Variants in RBKS observed in about 807,000 individuals in gnomAD.
RBKS encodes ribokinase.
In RBKS, 33 loss-of-function variants were observed where a neutral mutation model predicts 33.9. The observed-to-expected ratio is 0.97, with a 90% CI of 0.74 to 1.30. RBKS has a LOEUF of 1.30. Among genes scored for constraint, RBKS ranks in the 50% most tolerant of loss-of-function variants. The pLI is 0.00. For missense variants in RBKS, 361 were observed against 392.6 expected, an observed-to-expected ratio of 0.92 and a Z score of 0.68; for synonymous variants, 125 against 143.0, an observed-to-expected ratio of 0.87 and a Z score of 0.90.
intron 7 of RBKS, among the ~76,000 whole-genome samples, chr2:27,813,218 A>G (rs1678025997): frequency 1.3e-5 from 2 of 152,170 alleles, no homozygotes; most frequent in African/African-American, 4.8e-5. Flanking sequence ...CAGATCAAGT[A>G]CCACTGAAGA....
chr2:27,840,422 G>A (rs150525518), intron 5 of RBKS, among the ~76,000 whole-genome samples: 145 of 149,762 alleles, frequency 9.7e-4, no homozygotes, highest in African/African-American at 3.4e-3. Context: ...AATCTAAGCT[G>A]CATCTGGCCG....
intron 2 of RBKS, among the ~76,000 whole-genome samples, chr2:27,848,944 T>C (rs1358648133): frequency 6.6e-6 from 1 of 152,156 alleles, no homozygotes; most frequent in South Asian, 2.1e-4. Context: ...CCTGGGACTT[T>C]TACTGAAACT....
Position 27,843,058 on chromosome 2 carries a change from T to C in RBKS, c.514+9A>G, listed in dbSNP as rs1558547906. 1 of 1,557,882 alleles carries C rather than the reference T, an allele frequency of 6.4e-7. No individual in the cohort carries two copies. The highest frequency in any genetic ancestry group is 8.7e-7 in the Non-Finnish European group (1 of 1,151,952). On this transcript the variant is annotated intron_variant, in intron 5 of 7. Coordinates refer to ENST00000302188, the MANE Select transcript of RBKS (RefSeq NM_022128.3). ...TTTTATAGAAAGAATGACAAATATG[T>C]ATAATTACCTCCACTCCTGCGGGCC...
intron 2 of RBKS, among the ~76,000 whole-genome samples, chr2:27,849,559 CAAAA>C (rs70953894): frequency 9.4e-4 from 27 of 28,594 alleles, no homozygotes; most frequent in African/African-American, 2.0e-3. Context: ...GACTCTGTCT[CAAAA>C]AAAAAAAAAA....
chr2:27,843,274 C>T, intron 4 of RBKS, 43 bp from the exon 5 acceptor site: 2 of 1,455,262 alleles, frequency 1.4e-6, no homozygotes, highest in Non-Finnish European at 1.9e-6. Flanking sequence ...TAAACAAAGC[C>T]AAGCAAATGA....
intron 1 of RBKS, among the ~76,000 whole-genome samples, chr2:27,883,416 G>A (rs1664460433): frequency 6.6e-6 from 1 of 152,000 alleles, no homozygotes; most frequent in Admixed American, 6.6e-5. Context: ...AGCCAGGATG[G>A]TCTCGATCTC....
chr2:27,791,906 G>T (rs1423722663), intron 7 of RBKS, among the ~76,000 whole-genome samples: 1 of 151,966 alleles, frequency 6.6e-6, no homozygotes, highest in Non-Finnish European at 1.5e-5. Context: ...TTAAATGACT[G>T]TATACATTCA....
chr2:27,883,179 TG>T (rs1203557180), intron 1 of RBKS, among the ~76,000 whole-genome samples: 1 of 151,834 alleles, frequency 6.6e-6, no homozygotes, highest in East Asian at 1.9e-4. Flanking sequence ...GCAGTAACCA[TG>T]TTTTCCTAAC....
chr2:27,819,444 C>T (rs142209286), intron 7 of RBKS, among the ~76,000 whole-genome samples: 9 of 152,296 alleles, frequency 5.9e-5, no homozygotes, highest in East Asian at 5.8e-4. Flanking sequence ...TTGGTGGGAA[C>T]GCAATTCAGT....
In RBKS at chr2:27,827,558, A is replaced by G; in HGVS notation, c.795+9T>C. ...AGGCTAAACATGATTCTTAAATTTT[A>G]AAACTTACCGTGGTATCCACAGCCT... is the stretch of plus-strand genomic sequence containing the variant. On this transcript the variant is annotated intron_variant, in intron 7 of 7. Transcript: ENST00000302188. The G allele has an allele frequency of 1.3e-6, 2 of 1,542,916 alleles. No homozygotes were observed. The highest frequency in any genetic ancestry group is 1.7e-6 in the Non-Finnish European group (2 of 1,146,610).
At position 27,843,206 on chromosome 2, in the gene RBKS, A is replaced by G; in HGVS notation, c.375T>C (p.Ala125=). 6.2e-7 allele frequency: 1 copy of G among 1,612,084 alleles called. No individual in the cohort carries two copies. Among genetic ancestry groups the G allele is most frequent in the Non-Finnish European group, 8.5e-7 (1 of 1,179,086 alleles). ...NEGQNIIVIV[A]GANLLLNTED... ...CCGTATTCAAAAGTAAATTTGCTCC[A>G]GCCACTATGACAATGATATTCTGGC... is the stretch of plus-strand genomic sequence containing the variant. The change falls in exon 5 of 8, where the codon GCT becomes GCC. Residue 125 remains alanine (A), a synonymous_variant. Transcript: ENST00000302188.
At position 27,845,946 on chromosome 2, in the gene RBKS, T is replaced by C. The variant is rs1277853594; in HGVS notation, c.349+1096A>G. Among the ~76,000 whole-genome samples, 2 of 152,154 alleles carry C rather than the reference T, an allele frequency of 1.3e-5. 1 individual carries two copies. Among genetic ancestry groups the C allele is most frequent in the South Asian group, 4.1e-4 (2 of 4,828 alleles). On this transcript the variant is annotated intron_variant, in intron 4 of 7. Transcript: ENST00000302188. ...AACAGTTGGCAGAAATTATGAAAAC[T>C]TGACTTGAAGGTTGTTACCATTTTT...
chr2:27,824,341 C>T (rs1177516786), intron 7 of RBKS, among the ~76,000 whole-genome samples: 4 of 152,216 alleles, frequency 2.6e-5, no homozygotes, highest in East Asian at 1.9e-4. Flanking sequence ...ATTTCCATTA[C>T]TCTAAAGTAA....
intron 2 of RBKS, among the ~76,000 whole-genome samples, chr2:27,850,562 G>A (rs1663725980): frequency 6.6e-6 from 1 of 152,148 alleles, no homozygotes; most frequent in Middle Eastern, 3.2e-3. Context: ...TCATACAGTT[G>A]TAATTACACA....
intron 7 of RBKS, among the ~76,000 whole-genome samples, chr2:27,826,999 G>GA (rs11429808): frequency 0.33 from 50,420 of 151,790 alleles, 10,112 homozygotes; most frequent in East Asian, 0.63. Context: ...AAGATTAAAT[G>GA]AAAAAAAAGA....
intron 7 of RBKS, among the ~76,000 whole-genome samples, chr2:27,787,248 G>A (rs1182133420): frequency 3.3e-5 from 5 of 152,096 alleles, no homozygotes; most frequent in East Asian, 1.9e-4. Flanking sequence ...CCTGGGCAAC[G>A]TCGTGAAGCC....
Position 27,836,998 on chromosome 2 carries a change from C to T in RBKS, c.515-4221G>A, listed in dbSNP as rs568318996. On this transcript the variant is annotated intron_variant, in intron 5 of 7. Coordinates refer to ENST00000302188, the MANE Select transcript of RBKS (RefSeq NM_022128.3). Reference sequence around the variant, plus strand: ...TATTATTAAAAAGTCAAGGGCCAGCCGAGGTGGCTCACACCTGTAATCCCA... The same window carrying T: ...TATTATTAAAAAGTCAAGGGCCAGCTGAGGTGGCTCACACCTGTAATCCCA... Among the ~76,000 whole-genome samples, 43 of 150,864 alleles carry T rather than the reference C, an allele frequency of 2.9e-4. 1 individual carries two copies. The highest frequency in any genetic ancestry group is 8.4e-4 in the African/African-American group (34 of 40,248).
At chr2:27,803,093 G>A (rs933336070) in intron 7 of RBKS, among the ~76,000 whole-genome samples, 2 of 152,272 alleles carry the variant, frequency 1.3e-5, no homozygotes, top group African/African-American at 4.8e-5. Flanking sequence ...GCCTCCCAGA[G>A]TGTTGGCATT....
chr2:27,873,827 C>T (rs181355006), intron 1 of RBKS, among the ~76,000 whole-genome samples: 1 of 137,178 alleles, frequency 7.3e-6, no homozygotes, highest in South Asian at 2.2e-4. Context: ...ATCTGGGAAA[C>T]AAACAAAAAA....
Sources: gnomAD v4.1 joint callset for allele counts (sites outside exome capture counted in the v4.1 genomes callset) on GRCh38, gnomAD v4.1.1 for gene constraint, MANE v1.5 for transcripts, NCBI Gene and HGNC (gene_info 2026-07-23, HGNC 2026-07-21) for gene names.